The following KALRN variants were observed in gnomAD, a reference collection of about 807,000 sequenced individuals.
KALRN encodes the protein kalirin.
A neutral mutation model predicts 353.7 loss-of-function variants in KALRN; 70 were observed. The observed-to-expected ratio is 0.20, with a 90% CI of 0.16 to 0.24. The LOEUF (loss-of-function observed/expected upper bound fraction) is 0.24, where lower values mean the gene tolerates loss of function less well. KALRN is among the 10% of genes least tolerant of loss of function. The pLI is 1.00. For missense variants in KALRN, 2,791 were observed against 3,756.7 expected, an observed-to-expected ratio of 0.74 and a Z score of 6.72; for synonymous variants, 1,391 against 1,434.8, an observed-to-expected ratio of 0.97 and a Z score of 0.69.
intron 15 of KALRN, among the ~76,000 whole-genome samples, chr3:124,427,715 T>C (rs866631631): frequency 6.6e-6 from 1 of 152,216 alleles, no homozygotes; most frequent in Non-Finnish European, 1.5e-5. Flanking sequence ...CCCCAAGTAG[T>C]GATATTCTTT....
chr3:124,410,500 GTTAA>G (rs1209074966), intron 13 of KALRN, among the ~76,000 whole-genome samples: 6 of 152,252 alleles, frequency 3.9e-5, no homozygotes, highest in South Asian at 4.1e-4. Context: ...ACAATGAAAA[GTTAA>G]TTAACTCAGT....
chr3:124,669,111 T>C (rs949143817), intron 47 of KALRN, among the ~76,000 whole-genome samples: 6 of 152,300 alleles, frequency 3.9e-5, no homozygotes, highest in East Asian at 3.9e-4. Context: ...GTAAGTACTA[T>C]TGTCCTACTT....
chr3:124,248,770 G>A (rs2070706975), intron 3 of KALRN, among the ~76,000 whole-genome samples: 1 of 152,194 alleles, frequency 6.6e-6, no homozygotes, highest in African/African-American at 2.4e-5. Flanking sequence ...TCTAAAATCA[G>A]TACATTTTTC....
intron 1 of KALRN, among the ~76,000 whole-genome samples, chr3:124,150,127 C>G (rs1288994641): frequency 6.6e-6 from 1 of 152,094 alleles, no homozygotes; most frequent in Non-Finnish European, 1.5e-5. Flanking sequence ...GGTTGTTAAT[C>G]TTCATTAGAG....
At chr3:124,189,010 A>G (rs970640369) in intron 1 of KALRN, among the ~76,000 whole-genome samples, 2 of 152,174 alleles carry the variant, frequency 1.3e-5, no homozygotes, top group South Asian at 4.1e-4. Flanking sequence ...CGGAGGCATT[A>G]TCTTTCTTAT....
At chr3:124,628,152 C>CCTCT (rs2080190910) in intron 34 of KALRN, among the ~76,000 whole-genome samples, 1 of 59,870 alleles carries the variant, frequency 1.7e-5, no homozygotes. Context: ...TCCCTCCCTC[C>CCTCT]CTCCCTCCCT....
At chr3:124,286,082 C>CTTTCTTTCCTTTCTTTCTTTCTTT (rs1553893894) in intron 5 of KALRN, among the ~76,000 whole-genome samples, 1 of 102,156 alleles carries the variant, frequency 9.8e-6, no homozygotes, top group East Asian at 3.1e-4. Flanking sequence ...TTCTTTCCTT[C>CTTTCTTTCCTTTCTTTCTTTCTTT]CTTTCTTTCT....
intron 37 of KALRN, among the ~76,000 whole-genome samples, chr3:124,639,463 T>C (rs1272790032): frequency 6.6e-6 from 1 of 152,222 alleles, no homozygotes; most frequent in Non-Finnish European, 1.5e-5. Flanking sequence ...AAAAAAGTCT[T>C]TTACACTTAG....
At position 124,430,612 on chromosome 3, in the gene KALRN, A is replaced by G. The variant is rs1337698778; in HGVS notation, c.2710-44A>G. On this transcript the variant is annotated intron_variant, in intron 15 of 59. Transcript: ENST00000682506. Reference sequence around the variant, plus strand: ...GAGAGGAGGCAACAGCTCTGGGGAAACTGCGGAAGGCCATTCACCTGTGTG... The same window carrying G: ...GAGAGGAGGCAACAGCTCTGGGGAAGCTGCGGAAGGCCATTCACCTGTGTG... 2.5e-6 allele frequency: 4 copies of G among 1,607,208 alleles called. No homozygotes were observed. The Admixed American group carries it at 5.0e-5, about 20-fold the overall frequency.
At chr3:124,353,324 T>C (rs1433464622) in intron 10 of KALRN, among the ~76,000 whole-genome samples, 1 of 152,106 alleles carries the variant, frequency 6.6e-6, no homozygotes, top group Non-Finnish European at 1.5e-5. Context: ...TCCACAGAGA[T>C]GGAAAGTCTG....
intron 21 of KALRN, among the ~76,000 whole-genome samples, chr3:124,452,278 G>A (rs1299206004): frequency 6.6e-6 from 1 of 152,128 alleles, no homozygotes; most frequent in African/African-American, 2.4e-5. Context: ...TTCAACTCTT[G>A]CTGGTCTAGC....
intron 34 of KALRN, among the ~76,000 whole-genome samples, chr3:124,610,621 T>C (rs56370669): frequency 0.1 from 14,007 of 137,632 alleles, 817 homozygotes; most frequent in South Asian, 0.12. Context: ...TCTCTCTAGA[T>C]ATTAACTAAC....
chr3:124,237,366 C>CTTTTTTTTTTT (rs551869197), intron 3 of KALRN, among the ~76,000 whole-genome samples: 10 of 135,642 alleles, frequency 7.4e-5, no homozygotes, highest in East Asian at 2.7e-4. Flanking sequence ...TCATTTGATG[C>CTTTTTTTTTTT]TTTTTTTTTT....
chr3:124,185,608 G>T lies in KALRN; in HGVS notation c.74-42382G>T, dbSNP rs866270096. Among the ~76,000 whole-genome samples the T allele has an allele frequency of 4.6e-5, 7 of 152,342 alleles. No individual in the cohort carries two copies. In the Middle Eastern group the frequency reaches 0.014, roughly 296 times the overall value. On this transcript the variant is annotated intron_variant, in intron 1 of 59. Transcript: ENST00000682506. ...GCTGACTCTGTCGTGAGCAGTAGTT[G>T]CTCCAGAGTTTGTTCCTTCCTGTTC... is the stretch of plus-strand genomic sequence containing the variant.
intron 33 of KALRN, among the ~76,000 whole-genome samples, chr3:124,562,002 C>A (rs1351981093): frequency 6.6e-6 from 1 of 152,288 alleles, no homozygotes; most frequent in Middle Eastern, 3.4e-3. Flanking sequence ...TTGTTCCTGT[C>A]AACCCCTTTT....
intron 1 of KALRN, among the ~76,000 whole-genome samples, chr3:124,202,617 C>G (rs1435188919): frequency 6.6e-6 from 1 of 152,098 alleles, no homozygotes; most frequent in Non-Finnish European, 1.5e-5. Flanking sequence ...TCCTCCTCCT[C>G]CTGGTCTCTT....
In KALRN at chr3:124,347,091, T is replaced by C; in HGVS notation, c.1648-52T>C. 2.5e-6 allele frequency: 4 copies of C among 1,611,756 alleles called. No individual in the cohort carries two copies. In the South Asian group the frequency reaches 4.4e-5, roughly 18 times the overall value. ...TCTAGCAGTTGCACATGTTGTCACA[T>C]GTCTTTCCTTCTGCTAGAAAGTCAT... is the stretch of plus-strand genomic sequence containing the variant. On this transcript the variant is annotated intron_variant, in intron 9 of 59. Transcript: ENST00000682506.
At chr3:124,470,809 TGCTGC>T (rs2060815564) in intron 25 of KALRN, among the ~76,000 whole-genome samples, 1 of 152,042 alleles carries the variant, frequency 6.6e-6, no homozygotes. Flanking sequence ...GCCCCAAAAG[TGCTGC>T]AAGCACAAAG....
At chr3:124,710,259 TG>T (rs1305635071) in intron 57 of KALRN, among the ~76,000 whole-genome samples, 1 of 152,214 alleles carries the variant, frequency 6.6e-6, no homozygotes, top group Non-Finnish European at 1.5e-5. Context: ...AGTGTAGTAA[TG>T]TAGATACTGA....
Sources: allele counts gnomAD v4.1 joint callset (sites outside exome capture counted in the v4.1 genomes callset), GRCh38; gene constraint gnomAD v4.1.1; transcripts MANE v1.5; gene names NCBI Gene and HGNC (gene_info 2026-07-23, HGNC 2026-07-21).